ABR: variants seen among roughly 807,000 people sequenced by gnomAD.
ABR encodes the protein active breakpoint cluster region-related protein.
Under a neutral mutation model 107.2 loss-of-function variants are expected in ABR, and 35 were observed. That is an observed-to-expected ratio of 0.33 (90% CI 0.25 to 0.43). ABR has a LOEUF of 0.43. Among genes scored for constraint, ABR ranks in the 20% least tolerant of loss-of-function variants. ABR has a pLI of 1.00. For missense variants in ABR, 815 were observed against 1,115.2 expected (o/e 0.73, Z 3.83); for synonymous variants, 498 against 462.0 (o/e 1.08, Z -1.00).
At chr17:1,038,065 C>T (rs965720608) in intron 16 of ABR, among the ~76,000 whole-genome samples, 3 of 152,214 alleles carry the variant, frequency 2.0e-5, no homozygotes, top group African/African-American at 7.2e-5. Context: ...AGAGCAGGCG[C>T]CCTGGCTGAA....
At chr17:1,172,120 A>G (rs1196383910) in intron 1 of ABR, among the ~76,000 whole-genome samples, 2 of 152,218 alleles carry the variant, frequency 1.3e-5, no homozygotes, top group Non-Finnish European at 2.9e-5. Context: ...GACACAGGAT[A>G]AAGCCTGGAC....
chr17:1,146,507 G>A (rs1015647639), intron 1 of ABR, among the ~76,000 whole-genome samples: 9 of 151,600 alleles, frequency 5.9e-5, no homozygotes, highest in East Asian at 1.9e-4. Context: ...AGCACAGTGC[G>A]GGGCACATGA....
chr17:1,156,315 A>G (rs2041039523), intron 1 of ABR: 1 of 152,208 alleles, frequency 6.6e-6, no homozygotes, highest in African/African-American at 2.4e-5. Flanking sequence ...GACAGTGTCC[A>G]GTGAGAAAAT....
At chr17:1,223,972 GC>G (rs2043168690) in intron 1 of ABR, among the ~76,000 whole-genome samples, 2 of 152,314 alleles carry the variant, frequency 1.3e-5, no homozygotes, top group Admixed American at 1.3e-4. Flanking sequence ...CCCTATCAGT[GC>G]CTGTCTCCCG....
At chr17:1,042,365 G>A (rs977006305) in intron 16 of ABR, among the ~76,000 whole-genome samples, 17 of 151,672 alleles carry the variant, frequency 1.1e-4, no homozygotes, top group Admixed American at 3.3e-4. Flanking sequence ...ATCCACGAAC[G>A]GATGGATAAA....
rs1334633257 is a variant in ABR, at chr17:1,092,051, A to T, written c.346-201T>A. On this transcript the variant is annotated intron_variant, in intron 3 of 22. Transcript: ENST00000302538. This position sits in a 1 kb window ranked among gnomAD's most constrained non-coding sequence, Gnocchi z 4.6. ...ACAAGCCGCACACTCGACAGCAGGA[A>T]CCTGGCCTGGCAGCTGTGCCAGGCC... 1.3e-5 allele frequency among the ~76,000 whole-genome samples: 2 copies of T among 152,018 alleles called. No homozygotes were observed. Among genetic ancestry groups the T allele is most frequent in the Non-Finnish European group, 2.9e-5 (2 of 67,966 alleles).
intron 16 of ABR, among the ~76,000 whole-genome samples, chr17:1,029,884 C>T (rs7221987): frequency 0.088 from 4,930 of 55,866 alleles, 77 homozygotes; most frequent in African/African-American, 0.22. Context: ...CCTGCGTCCA[C>T]GACACGGACA....
intron 2 of ABR, among the ~76,000 whole-genome samples, chr17:1,123,000 C>G (rs1359717266): frequency 6.6e-6 from 1 of 152,170 alleles, no homozygotes; most frequent in Non-Finnish European, 1.5e-5. Flanking sequence ...ACCTGTTTGG[C>G]CAAATAAGCA....
intron 1 of ABR, among the ~76,000 whole-genome samples, chr17:1,222,715 G>A (rs756913519): frequency 2.1e-4 from 32 of 152,062 alleles, no homozygotes; most frequent in Admixed American, 3.9e-4. Context: ...AGTTCTAGAC[G>A]AGCCTGGGGA....
chr17:1,100,495 G>T, intron 3 of ABR, 142 bp downstream of exon 3: 2 of 749,054 alleles, frequency 2.7e-6, no homozygotes, highest in Non-Finnish European at 4.3e-6. Context: ...CCAGCCAGAA[G>T]CAGACCAGCT....
chr17:1,178,820 T>G (rs1490445378), intron 1 of ABR, among the ~76,000 whole-genome samples: 1 of 135,974 alleles, frequency 7.4e-6, no homozygotes, highest in Non-Finnish European at 1.5e-5. Flanking sequence ...GAAGGGGCGG[T>G]GCCTTTCTAG....
chr17:1,122,712 A>G lies in ABR; in HGVS notation c.246+2471T>C, dbSNP rs1057419333. On this transcript the variant is annotated intron_variant, in intron 2 of 22. Coordinates refer to ENST00000302538, the MANE Select transcript of ABR (RefSeq NM_021962.5). ...CAGAGATTAGGACCTCTAAGCCTCC[A>G]TAATCACCTGAATCAATTCCTTCTA... Among the ~76,000 whole-genome samples the G allele has an allele frequency of 1.6e-4, 25 of 152,210 alleles. 1 individual carries two copies.
intron 6 of ABR, among the ~76,000 whole-genome samples, 196 bp from the exon 7 acceptor site, chr17:1,073,873 A>G (rs1008386117): frequency 2.6e-5 from 4 of 151,788 alleles, no homozygotes; most frequent in Non-Finnish European, 4.4e-5. Context: ...CAGGTGACAC[A>G]CAGCCCTGGC....
chr17:1,145,263 A>G (rs1183044587), intron 1 of ABR, among the ~76,000 whole-genome samples: 3 of 152,142 alleles, frequency 2.0e-5, no homozygotes, highest in Non-Finnish European at 4.4e-5. Flanking sequence ...TCCCATAACA[A>G]CCAATTCAAT....
chr17:1,041,214 G>A (rs1317521952), intron 16 of ABR, among the ~76,000 whole-genome samples: 3 of 152,044 alleles, frequency 2.0e-5, no homozygotes, highest in African/African-American at 7.2e-5. Context: ...CACCGTGCCT[G>A]GCCTAAGTTC....
rs116086607 is a variant in ABR at position 1,019,229 on chromosome 17, C to G, written c.1792-6065G>C. On this transcript the variant is annotated intron_variant, in intron 16 of 22. Coordinates refer to ENST00000302538, the MANE Select transcript of ABR (RefSeq NM_021962.5). ...TCCTGATGCTAAGGCCCAGTTCTCG[C>G]CCCGCCTCCTCCAGAGAGCCTTCTC... is the stretch of plus-strand genomic sequence containing the variant. Among the ~76,000 whole-genome samples the G allele has an allele frequency of 6.9e-3, 1,044 of 152,320 alleles. 15 individuals are homozygous for G. The highest frequency in any genetic ancestry group is 0.024 in the African/African-American group (980 of 41,564).
At chr17:1,193,231 T>TCTTAGA (rs754853107) in intron 1 of ABR, among the ~76,000 whole-genome samples, 29 of 152,070 alleles carry the variant, frequency 1.9e-4, no homozygotes, top group Non-Finnish European at 4.1e-4. Context: ...TAGCAGCTTT[T>TCTTAGA]CTTAGATCCA....
At chr17:1,073,553 C>T in intron 7 of ABR, 72 bp downstream of exon 7, 1 of 1,283,156 alleles carries the variant, frequency 7.8e-7, no homozygotes. Flanking sequence ...GACTCCAGCA[C>T]CCTCTCACCC....
At chr17:1,077,714 G>A (rs985170061) in intron 6 of ABR, among the ~76,000 whole-genome samples, 1 of 152,138 alleles carries the variant, frequency 6.6e-6, no homozygotes, top group Non-Finnish European at 1.5e-5. Flanking sequence ...CTTCGACAAG[G>A]AGCTCCAAGG....
Sources: gnomAD v4.1 joint callset for allele counts (sites outside exome capture counted in the v4.1 genomes callset) on GRCh38, gnomAD v4.1.1 for gene constraint, Gnocchi (gnomAD v3.1) non-coding constraint, MANE v1.5 for transcripts, NCBI Gene and HGNC (gene_info 2026-07-23, HGNC 2026-07-21) for gene names.